TMPRSS15: variants seen among roughly 807,000 people sequenced by gnomAD.
TMPRSS15 encodes the protein enteropeptidase.
In TMPRSS15, 128 loss-of-function variants were observed where a neutral mutation model predicts 125.3. That is an observed-to-expected ratio of 1.02 (90% CI 0.89 to 1.18). The LOEUF (loss-of-function observed/expected upper bound fraction) is 1.18. Among genes scored for constraint, TMPRSS15 ranks in the 50% most tolerant of loss-of-function variants. The pLI is 0.00. For missense variants in TMPRSS15, 1,283 were observed against 1,212.7 expected, an observed-to-expected ratio of 1.06 and a Z score of -0.86; for synonymous variants, 446 against 423.2, an observed-to-expected ratio of 1.05 and a Z score of -0.66.
At chr21:18,306,057 GTAAAATATTATTTA>G (rs2075035538) in intron 18 of TMPRSS15, among the ~76,000 whole-genome samples, 1 of 152,076 alleles carries the variant, frequency 6.6e-6, no homozygotes, top group Non-Finnish European at 1.5e-5. Context: ...TTTTAAAAAT[GTAAAATATTATTTA>G]TTTCTGTGTA....
chr21:18,329,205 T>C lies in TMPRSS15; in HGVS notation c.1744A>G (p.Ile582Val). ...GAATCAGCTTCTTCACCATCTCTTA[T>C]TTCAACTACATCGTTAATATTTTCT... is the stretch of plus-strand genomic sequence containing the variant. ...DLENINDVVE[I>V]RDGEEADSLL... Residue 582 changes from isoleucine to valine, a missense_variant, in exon 15 of 25, where the codon ATA becomes GTA. Transcript: ENST00000284885. 2 of 1,612,820 alleles carry C rather than the reference T, an allele frequency of 1.2e-6. No individual in the cohort carries two copies. The highest frequency in any genetic ancestry group is 2.2e-5 in the South Asian group (2 of 91,056).
intron 21 of TMPRSS15, among the ~76,000 whole-genome samples, chr21:18,288,093 T>C (rs1159795644): frequency 6.6e-6 from 1 of 152,132 alleles, no homozygotes; most frequent in Admixed American, 6.6e-5. Context: ...TAAGTGTTCA[T>C]CAACAGACGA....
chr21:18,282,188 T>C (rs1389617670), intron 21 of TMPRSS15, among the ~76,000 whole-genome samples: 7 of 150,504 alleles, frequency 4.7e-5, no homozygotes, highest in African/African-American at 1.7e-4. Flanking sequence ...AATCTCCATA[T>C]ACAATGTTGG....
chr21:18,391,418 A>G (rs976303846), intron 3 of TMPRSS15, among the ~76,000 whole-genome samples: 8 of 152,374 alleles, frequency 5.3e-5, no homozygotes, highest in African/African-American at 1.9e-4. Context: ...AAGGGGCTAC[A>G]GGCCCCATGC....
intron 8 of TMPRSS15, among the ~76,000 whole-genome samples, chr21:18,355,814 G>C (rs894931238): frequency 6.6e-6 from 1 of 151,810 alleles, no homozygotes; most frequent in Non-Finnish European, 1.5e-5. Context: ...TGTAAACCTT[G>C]AAAAGGATGA....
chr21:18,294,565 G>C lies in TMPRSS15; in HGVS notation c.2311+38C>G, dbSNP rs757325670. ...AAAACTCTATTCAGAATTTTAAACA[G>C]AATGCTTGAAGTGGGATATGACAAC... On this transcript the variant is annotated intron_variant, in intron 20 of 24. Coordinates refer to ENST00000284885, the MANE Select transcript of TMPRSS15 (RefSeq NM_002772.3). The C allele has an allele frequency of 6.2e-6, 10 of 1,604,244 alleles. No individual in the cohort carries two copies. The Admixed American group carries it at 1.7e-4, about 27-fold the overall frequency.
At chr21:18,383,871 A>G in intron 3 of TMPRSS15, 93 bp from the exon 4 acceptor site, 1 of 1,427,384 alleles carries the variant, frequency 7.0e-7, no homozygotes. Context: ...AATTCTCTAT[A>G]GTTATCATCT....
In TMPRSS15 at chr21:18,282,780, A is replaced by G. The variant is rs552197279; in HGVS notation, c.2487-1559T>C. 2.4e-3 allele frequency among the ~76,000 whole-genome samples: 373 copies of G among 152,298 alleles called. 5 individuals are homozygous for G. The highest frequency in any genetic ancestry group is 8.6e-3 in the African/African-American group (359 of 41,560). On this transcript the variant is annotated intron_variant, in intron 21 of 24. Coordinates refer to ENST00000284885, the MANE Select transcript of TMPRSS15 (RefSeq NM_002772.3). ...ACTAGGCGCTGATTATCTAAATGGT[A>G]GGAGGTGACTTTAATTGGAGCTGTC...
intron 21 of TMPRSS15, among the ~76,000 whole-genome samples, chr21:18,293,653 G>A (rs2074865006): frequency 6.6e-6 from 1 of 152,046 alleles, no homozygotes; most frequent in African/African-American, 2.4e-5. Context: ...TCTCCTCTAG[G>A]ACTGCAAAAT....
At chr21:18,480,247 A>G (rs566047190) in intron 1 of TMPRSS15, among the ~76,000 whole-genome samples, 1 of 152,062 alleles carries the variant, frequency 6.6e-6, no homozygotes, top group East Asian at 1.9e-4. Flanking sequence ...GCACAGTATT[A>G]TGCTGGTTTT....
At position 18,269,762 on chromosome 21, in the gene TMPRSS15, G is replaced by A. The variant is rs1206030727; in HGVS notation, c.*207C>T. On this transcript the variant is annotated 3_prime_UTR_variant, in exon 25 of 25. Coordinates refer to ENST00000284885, the MANE Select transcript of TMPRSS15 (RefSeq NM_002772.3). ...CAATGAAATACAAATGTATTTAATG[G>A]TATTTTAAAGTTATTCTGTATTGCT... is the stretch of plus-strand genomic sequence containing the variant. 1 of 530,220 alleles carries A rather than the reference G, an allele frequency of 1.9e-6. No homozygotes were observed. The highest frequency in any genetic ancestry group is 3.3e-6 in the Non-Finnish European group (1 of 299,040). 32.8% of individuals were successfully genotyped at this position (530,220 alleles called of 1,614,324 possible).
chr21:18,382,184 T>C (rs1264354444), intron 4 of TMPRSS15, among the ~76,000 whole-genome samples: 1 of 152,120 alleles, frequency 6.6e-6, no homozygotes, highest in African/African-American at 2.4e-5. Context: ...AAAGTATCTG[T>C]GTTTTGGTCT....
intron 1 of TMPRSS15, among the ~76,000 whole-genome samples, chr21:18,413,324 C>A: frequency 8.5e-6 from 1 of 117,604 alleles, no homozygotes; most frequent in African/African-American, 3.7e-5. Context: ...TCCTTCCTTC[C>A]TTCCTTCCTT....
At chr21:18,270,195 A>T (rs2074537911) in intron 24 of TMPRSS15, 71 bp from the exon 25 acceptor site, 2 of 1,271,852 alleles carry the variant, frequency 1.6e-6, no homozygotes, top group Non-Finnish European at 2.2e-6. Context: ...AATTATTTGT[A>T]TCAAATAAAT....
At chr21:18,280,575 C>CAAAAAAAAA (rs1230513414) in intron 22 of TMPRSS15, among the ~76,000 whole-genome samples, 9 of 48,332 alleles carry the variant, frequency 1.9e-4, no homozygotes, top group African/African-American at 5.6e-4. Context: ...GACTCCGTCT[C>CAAAAAAAAA]AAAAAAAAAA....
intron 1 of TMPRSS15, among the ~76,000 whole-genome samples, chr21:18,475,313 T>C (rs968273426): frequency 5.9e-5 from 9 of 151,736 alleles, no homozygotes; most frequent in African/African-American, 2.2e-4. Flanking sequence ...CATAAAGAAA[T>C]AAAAAACAAG....
intron 1 of TMPRSS15, among the ~76,000 whole-genome samples, chr21:18,423,760 T>C: frequency 6.6e-6 from 1 of 152,094 alleles, no homozygotes; most frequent in Non-Finnish European, 1.5e-5. Context: ...TCCGCTTCCC[T>C]AGTGATACAC....
intron 1 of TMPRSS15, among the ~76,000 whole-genome samples, chr21:18,460,047 T>C (rs940867084): frequency 2.8e-4 from 43 of 152,200 alleles, no homozygotes; most frequent in African/African-American, 1.0e-3. Flanking sequence ...TTACTCATTA[T>C]GTAGGTAGTT....
intron 10 of TMPRSS15, among the ~76,000 whole-genome samples, chr21:18,350,026 GC>G (rs1197793725): frequency 6.6e-6 from 1 of 152,018 alleles, no homozygotes; most frequent in Non-Finnish European, 1.5e-5. Flanking sequence ...AGATATAAAT[GC>G]TTTTTGCACT....
Sources: allele counts gnomAD v4.1 joint callset (sites outside exome capture counted in the v4.1 genomes callset), GRCh38; gene constraint gnomAD v4.1.1; transcripts MANE v1.5; gene names NCBI Gene and HGNC (gene_info 2026-07-23, HGNC 2026-07-21).